The following GBP1 variants were observed in gnomAD, a reference collection of about 807,000 sequenced individuals.
The protein encoded by GBP1 is guanylate-binding protein 1.
A neutral mutation model predicts 69.5 loss-of-function variants in GBP1; 64 were observed. The ratio of observed to expected loss-of-function variants is 0.92; its 90% CI spans 0.75 to 1.13. The LOEUF is 1.13. GBP1 is among the 50% of genes most tolerant of loss of function. The pLI is 0.00. For synonymous variants in GBP1, 250 were observed against 261.2 expected (o/e 0.96, Z 0.41); for missense variants, 630 against 704.1 (o/e 0.89, Z 1.19).
At chr1:89,060,895 T>A (rs1325350522) in intron 2 of GBP1, among the ~76,000 whole-genome samples, 2 of 152,244 alleles carry the variant, frequency 1.3e-5, no homozygotes, top group African/African-American at 4.8e-5. Flanking sequence ...AATCAGTTGC[T>A]AGTGTAAAAA....
chr1:89,063,138 C>A lies in GBP1; in HGVS notation c.97G>T (p.Ala33Ser), dbSNP rs1207129716. The A allele has an allele frequency of 3.7e-6, 6 of 1,614,112 alleles. No homozygotes were observed. The highest frequency in any genetic ancestry group is 1.6e-4 in the Middle Eastern group (1 of 6,062). Residue 33 changes from alanine (A) to serine (S), a missense_variant, in exon 2 of 11, where the codon GCC (alanine) becomes TCC (serine). Coordinates refer to ENST00000370473, the MANE Select transcript of GBP1 (RefSeq NM_002053.3). ...ACCACCACCATAGGCTGTGTAATGG[C>A]AGAAAGGATCTTCAGAGCTTCTGGA... ...ANPEALKILS[A>S]ITQPMVVVAI...
At chr1:89,055,322 C>T (rs1680015444) in intron 8 of GBP1, 107 bp from the exon 9 acceptor site, 1 of 1,543,662 alleles carries the variant, frequency 6.5e-7, no homozygotes. Context: ...TTCTCTTGGC[C>T]CTATTGTCCT....
At chr1:89,061,884 C>A (rs1680208554) in intron 2 of GBP1, among the ~76,000 whole-genome samples, 1 of 151,602 alleles carries the variant, frequency 6.6e-6, no homozygotes, top group African/African-American at 2.4e-5. Flanking sequence ...ATACAAGTGG[C>A]CAATAAGCAC....
At chr1:89,064,122 C>G (rs1680270063) in intron 1 of GBP1, among the ~76,000 whole-genome samples, 1 of 151,044 alleles carries the variant, frequency 6.6e-6, no homozygotes, top group Non-Finnish European at 1.5e-5. Flanking sequence ...GTTCTGTTTT[C>G]CATTTGGTAG....
chr1:89,059,924 T>C (rs1680140658), intron 3 of GBP1, among the ~76,000 whole-genome samples: 1 of 152,232 alleles, frequency 6.6e-6, no homozygotes, highest in Non-Finnish European at 1.5e-5. Context: ...ATTAGAATGC[T>C]GAGGCGAAAA....
chr1:89,056,148 C>G lies in GBP1; in HGVS notation c.1236G>C (p.Gln412His). 1 of 1,613,920 alleles carries G rather than the reference C, an allele frequency of 6.2e-7. No individual in the cohort carries two copies. The highest frequency in any genetic ancestry group is 2.2e-5 in the East Asian group (1 of 44,882). Residue 412 changes from glutamine to histidine, a missense_variant, in exon 8 of 11, where the codon CAG becomes CAC. By Grantham distance (24) the Gln-to-His change is conservative. Coordinates refer to ENST00000370473, the MANE Select transcript of GBP1 (RefSeq NM_002053.3). ...ASSDRCSALL[Q>H]VIFSPLEEEV... ...CTTCTTCTAGAGGACTGAAAATGAC[C>G]TGAAGTAAAGCTGAGCAACGATCTG...
At chr1:89,064,541 C>CT (rs1389322809) in intron 1 of GBP1, among the ~76,000 whole-genome samples, 1 of 152,122 alleles carries the variant, frequency 6.6e-6, no homozygotes, top group African/African-American at 2.4e-5. Context: ...TCAGTGGGCA[C>CT]TAGGAAATTA....
chr1:89,064,416 T>C (rs1218195571), intron 1 of GBP1, among the ~76,000 whole-genome samples: 1 of 152,014 alleles, frequency 6.6e-6, no homozygotes, highest in Non-Finnish European at 1.5e-5. Flanking sequence ...TAGAGATGCA[T>C]TACAGGAGAA....
intron 2 of GBP1, among the ~76,000 whole-genome samples, chr1:89,062,189 G>A (rs1190348516): frequency 1.3e-5 from 2 of 152,116 alleles, no homozygotes; most frequent in African/African-American, 2.4e-5. Context: ...GTGAAAGCAG[G>A]GACTTGAACA....
chr1:89,057,752 C>T (rs1357754084), intron 6 of GBP1, among the ~76,000 whole-genome samples: 2 of 152,200 alleles, frequency 1.3e-5, no homozygotes, highest in African/African-American at 2.4e-5. Context: ...AGGGGCTACT[C>T]TATTGCATAG....
In GBP1 at chr1:89,056,904, T is replaced by G; in HGVS notation, c.1105A>C (p.Ile369Leu). 2.5e-6 allele frequency: 4 copies of G among 1,614,270 alleles called. No individual in the cohort carries two copies. The East Asian group carries it at 8.9e-5, about 36-fold the overall frequency. ...TCCACATCTTTGAAGGAACTCCTGA[T>G]GAAGACTTCAATGGCCTCTCTCTCA... ...DSEREAIEVFIRSSFKDVDHL... is the reference protein window; with the variant it reads ...DSEREAIEVFLRSSFKDVDHL... Residue 369 changes from isoleucine to leucine, a missense_variant, in exon 7 of 11, where the codon ATC becomes CTC. Transcript: ENST00000370473.
In GBP1 at chr1:89,063,061, C is replaced by T. The variant is rs1680241134; in HGVS notation, c.174G>A (p.Leu58=). 2 of 1,613,936 alleles carry T rather than the reference C, an allele frequency of 1.2e-6. No homozygotes were observed. Among genetic ancestry groups the T allele is most frequent in the Admixed American group, 1.7e-5 (1 of 59,994 alleles). The change falls in exon 2 of 11, where the codon CTG becomes CTA. Residue 58 remains leucine, a synonymous_variant. Transcript: ENST00000370473. ...RTGKSYLMNK[L]AGKKKGFSLG... ...GCCACTCACCCTTTTTCTTTCCAGC[C>T]AGCTTGTTCATCAGGTAGGATTTGC...
rs76725436 is a variant in GBP1, at chr1:89,060,937, T to G, written c.191-613A>C. On this transcript the variant is annotated intron_variant, in intron 2 of 10. Transcript: ENST00000370473. ...AAGGAAATTTTGGAAACAATCCAATTTAACAGCATCAAAAGAATAAACTAC... is the reference window on the plus strand; with the variant it reads ...AAGGAAATTTTGGAAACAATCCAATGTAACAGCATCAAAAGAATAAACTAC... Among the ~76,000 whole-genome samples, 936 of 152,320 alleles carry G rather than the reference T, an allele frequency of 6.1e-3. 33 individuals are homozygous for G. The East Asian group carries it at 0.081, about 13-fold the overall frequency.
At chr1:89,063,455 A>G (rs1680256441) in intron 1 of GBP1, among the ~76,000 whole-genome samples, 1 of 152,214 alleles carries the variant, frequency 6.6e-6, no homozygotes, top group Non-Finnish European at 1.5e-5. Context: ...GTGACTTATC[A>G]ACACTCAACT....
intron 2 of GBP1, among the ~76,000 whole-genome samples, chr1:89,060,717 C>T (rs1187947288): frequency 6.6e-6 from 1 of 152,114 alleles, no homozygotes; most frequent in East Asian, 1.9e-4. Context: ...AGTAATTAGA[C>T]AAGAGAAGCA....
chr1:89,063,085 G>T lies in GBP1; in HGVS notation c.150C>A (p.Gly50=), dbSNP rs765135882. 5 of 1,613,918 alleles carry T rather than the reference G, an allele frequency of 3.1e-6. No individual in the cohort carries two copies. The highest frequency in any genetic ancestry group is 1.1e-5 in the South Asian group (1 of 91,088). The change falls in exon 2 of 11, where the codon GGC becomes GGA. Residue 50 remains glycine (G), a synonymous_variant. Coordinates refer to ENST00000370473, the MANE Select transcript of GBP1 (RefSeq NM_002053.3). ...VVAIVGLYRT[G]KSYLMNKLAG... is the part of the protein sequence containing the mutation. ...CCAGCTTGTTCATCAGGTAGGATTT[G>T]CCTGTGCGGTAGAGGCCCACAATTG...
chr1:89,059,477 C>T, intron 3 of GBP1, 51 bp from the exon 4 acceptor site: 1 of 1,589,364 alleles, frequency 6.3e-7, no homozygotes, highest in Non-Finnish European at 8.6e-7. Flanking sequence ...CATCGCAGCA[C>T]TTTTCAGAGT....
rs772732898 is a variant in GBP1, at chr1:89,058,186, C to T, written c.680G>A (p.Arg227Gln). Residue 227 changes from arginine (R) to glutamine (Q), a missense_variant, in exon 6 of 11, where the codon CGG becomes CAG. Arg to Gln is a conservative substitution (Grantham distance 43, BLOSUM62 1). Transcript: ENST00000370473. ...GCATTTTTTCTTTGGGAAGAATTTC[C>T]GGATACAGAGTCTGGGCAGGTTAAA... Reference protein sequence around the residue: ...ETFNLPRLCIRKFFPKKKCFV... With the variant: ...ETFNLPRLCIQKFFPKKKCFV... 14 of 1,613,754 alleles carry T rather than the reference C, an allele frequency of 8.7e-6. No homozygotes were observed. Among genetic ancestry groups the T allele is most frequent in the South Asian group, 2.2e-5 (2 of 91,046 alleles).
At position 89,058,082 on chromosome 1, in the gene GBP1, A is replaced by T; in HGVS notation, c.784T>A (p.Phe262Ile). The T allele has an allele frequency of 6.2e-7, 1 of 1,614,170 alleles. No individual in the cohort carries two copies. Among genetic ancestry groups the T allele is most frequent in the Non-Finnish European group, 8.5e-7 (1 of 1,180,022 alleles). ...CAGAAGTCTGCTACTTGTTGCACAA[A>T]TTCGGGGTCCAGCTCTTCATCTTGT... ...KLQDEELDPE[F>I]VQQVADFCSY... Residue 262 changes from phenylalanine to isoleucine, a missense_variant, in exon 6 of 11, where the codon TTT (phenylalanine) becomes ATT (isoleucine). By Grantham distance (21) the Phe-to-Ile change is conservative. Transcript: ENST00000370473.
Sources: allele counts gnomAD v4.1 joint callset (sites outside exome capture counted in the v4.1 genomes callset), GRCh38; gene constraint gnomAD v4.1.1; transcripts MANE v1.5; gene names NCBI Gene and HGNC (gene_info 2026-07-23, HGNC 2026-07-21).